Variants in WWOX observed in about 807,000 individuals in gnomAD.
WWOX encodes WW domain-containing oxidoreductase.
Under a neutral mutation model 46.2 loss-of-function variants are expected in WWOX, and 69 were observed. The ratio of observed to expected loss-of-function variants is 1.49; its 90% CI spans 1.23 to 1.82. The LOEUF is 1.82. Among genes scored for constraint, WWOX ranks in the 40% most tolerant of loss-of-function variants. The pLI is 0.00. For missense variants in WWOX, 919 were observed against 542.6 expected, an observed-to-expected ratio of 1.69 and a Z score of -6.89; for synonymous variants, 359 against 202.6, an observed-to-expected ratio of 1.77 and a Z score of -6.56.
intron 8 of WWOX, among the ~76,000 whole-genome samples, chr16:78,780,983 A>G (rs909000643): frequency 6.6e-6 from 1 of 152,168 alleles, no homozygotes; most frequent in Admixed American, 6.5e-5. Context: ...CAGCCTGCAG[A>G]CTGGTGTGGC....
chr16:79,014,715 A>C (rs543009442), intron 8 of WWOX, among the ~76,000 whole-genome samples: 1 of 152,302 alleles, frequency 6.6e-6, no homozygotes, highest in South Asian at 2.1e-4. Context: ...CAAGGCATAG[A>C]AATTGAGTCA....
chr16:78,608,280 C>T (rs758568333), intron 8 of WWOX, among the ~76,000 whole-genome samples: 1 of 152,186 alleles, frequency 6.6e-6, no homozygotes, highest in Non-Finnish European at 1.5e-5. Context: ...TGAGGTTCAG[C>T]TTAAAAGGCC....
At chr16:79,181,472 G>C (rs145308299) in intron 8 of WWOX, among the ~76,000 whole-genome samples, 1 of 152,116 alleles carries the variant, frequency 6.6e-6, no homozygotes, top group Admixed American at 6.5e-5. Context: ...TGAGTCAAAG[G>C]TCAGGTGACA....
At chr16:79,053,014 C>T (rs904881236) in intron 8 of WWOX, among the ~76,000 whole-genome samples, 10 of 151,796 alleles carry the variant, frequency 6.6e-5, no homozygotes, top group Middle Eastern at 3.4e-3. Context: ...GTGGCAAAAG[C>T]AGGTGGGAAC....
intron 8 of WWOX, among the ~76,000 whole-genome samples, chr16:78,627,307 C>T (rs941500211): frequency 6.6e-6 from 1 of 152,136 alleles, no homozygotes; most frequent in Non-Finnish European, 1.5e-5. Flanking sequence ...CTTAAAGTCC[C>T]AAAGGGAGGC....
intron 8 of WWOX, among the ~76,000 whole-genome samples, chr16:78,880,992 C>CT (rs71140838): frequency 0.32 from 36,068 of 113,540 alleles, 5,690 homozygotes; most frequent in East Asian, 0.47. Context: ...AATTTTTTTT[C>CT]TTTTTTTTTT....
intron 5 of WWOX, among the ~76,000 whole-genome samples, chr16:78,194,609 T>G (rs1240819364): frequency 1.4e-5 from 2 of 148,076 alleles, no homozygotes; most frequent in African/African-American, 4.9e-5. Flanking sequence ...AAAAAAAGAT[T>G]TATGTCAAGA....
chr16:78,432,316 G>T (rs1233598916), intron 7 of WWOX, among the ~76,000 whole-genome samples, 172 bp from the exon 8 acceptor site: 1 of 151,964 alleles, frequency 6.6e-6, no homozygotes. Flanking sequence ...ATGTTGGCCA[G>T]GCTGGTCTTG....
intron 8 of WWOX, among the ~76,000 whole-genome samples, chr16:78,782,794 A>G (rs952115459): frequency 4.6e-5 from 7 of 152,212 alleles, no homozygotes; most frequent in East Asian, 1.9e-4. Flanking sequence ...ATGTGATGCA[A>G]TCAATCATTG....
At chr16:78,388,198 T>A (rs761811085) in intron 6 of WWOX, among the ~76,000 whole-genome samples, 11 of 152,194 alleles carry the variant, frequency 7.2e-5, no homozygotes, top group Non-Finnish European at 1.5e-4. Context: ...GGCCTGCTAA[T>A]TTTTGTATTT....
intron 8 of WWOX, among the ~76,000 whole-genome samples, chr16:78,706,355 T>C (rs1015764051): frequency 2.6e-5 from 4 of 152,104 alleles, no homozygotes; most frequent in Non-Finnish European, 5.9e-5. Context: ...TGCCATCTTC[T>C]CTCTCTGCTG....
chr16:79,148,187 T>C (rs1262544109), intron 8 of WWOX, among the ~76,000 whole-genome samples: 1 of 152,218 alleles, frequency 6.6e-6, no homozygotes, highest in Non-Finnish European at 1.5e-5. Flanking sequence ...ATTTTTTTCC[T>C]AAAAGTCATA....
intron 1 of WWOX, among the ~76,000 whole-genome samples, chr16:78,103,295 A>T (rs2031925009): frequency 6.8e-6 from 1 of 147,614 alleles, no homozygotes. Context: ...TCCGGGATAC[A>T]TGTGCAGGAT....
At chr16:79,003,586 C>T (rs1396802926) in intron 8 of WWOX, among the ~76,000 whole-genome samples, 1 of 152,132 alleles carries the variant, frequency 6.6e-6, no homozygotes, top group Non-Finnish European at 1.5e-5. Context: ...ATCCAGTTGG[C>T]AGGAGAGCTG....
At chr16:78,422,688 C>CACACACACACATATATATATAT (rs2082965039) in intron 6 of WWOX, among the ~76,000 whole-genome samples, 6 of 21,554 alleles carry the variant, frequency 2.8e-4, no homozygotes, top group Admixed American at 1.2e-3. Context: ...TATATATACA[C>CACACACACACATATATATATAT]ACACACACAC....
At chr16:78,646,615 A>G (rs1265019395) in intron 8 of WWOX, among the ~76,000 whole-genome samples, 2 of 152,124 alleles carry the variant, frequency 1.3e-5, no homozygotes, top group Non-Finnish European at 2.9e-5. Context: ...TTTAGTAGAG[A>G]CTAGGTTTCA....
At chr16:79,009,117 C>A (rs1367850288) in intron 8 of WWOX, among the ~76,000 whole-genome samples, 1 of 152,222 alleles carries the variant, frequency 6.6e-6, no homozygotes, top group Non-Finnish European at 1.5e-5. Context: ...GCCTCCTGCC[C>A]TTCCAGGCTT....
chr16:78,489,053 A>C (rs1173410181), intron 8 of WWOX, among the ~76,000 whole-genome samples: 12 of 152,100 alleles, frequency 7.9e-5, no homozygotes. Context: ...ACACTTCAGG[A>C]GATCAATAGT....
chr16:78,770,993 C>G (rs776735648), intron 8 of WWOX, among the ~76,000 whole-genome samples: 3 of 152,160 alleles, frequency 2.0e-5, no homozygotes, highest in Non-Finnish European at 4.4e-5. Flanking sequence ...GGAGCAGAGA[C>G]ATGAAGGAAG....
Sources: gnomAD v4.1 joint callset for allele counts (sites outside exome capture counted in the v4.1 genomes callset) on GRCh38, gnomAD v4.1.1 for gene constraint, MANE v1.5 for transcripts, NCBI Gene and HGNC (gene_info 2026-07-23, HGNC 2026-07-21) for gene names.